CLN3: variants seen among roughly 807,000 people sequenced by gnomAD.
CLN3 encodes battenin.
In CLN3, 49 loss-of-function variants were observed where a neutral mutation model predicts 60.7. That is an observed-to-expected ratio of 0.81 (90% CI 0.64 to 1.02). CLN3 has a LOEUF of 1.02. Among genes scored for constraint, CLN3 ranks in the 50% least tolerant of loss-of-function variants. The probability of loss-of-function intolerance (pLI) is 0.00; values close to 1 mark genes in which losing one functional copy is unlikely to be tolerated. For missense variants in CLN3, 516 were observed against 557.4 expected (o/e 0.93, Z 0.75); for synonymous variants, 256 against 245.8 (o/e 1.04, Z -0.39).
intron 10 of CLN3, 110 bp from the exon 11 acceptor site, chr16:28,482,782 T>G: frequency 8.7e-7 from 1 of 1,152,962 alleles, no homozygotes. Context: ...GGGAACTCAC[T>G]TCCATGCCAC....
rs1462511334 is a variant in CLN3 at position 28,487,729 on chromosome 16, C to T, written c.307G>A (p.Ala103Thr). The T allele has an allele frequency of 6.2e-7, 1 of 1,613,518 alleles. No individual in the cohort carries two copies. Among genetic ancestry groups the T allele is most frequent in the East Asian group, 2.2e-5 (1 of 44,852 alleles). ...NSVSTAAVLL[A>T]DILPTLVIKL... ...ATGACGAGTGTGGGGAGGATGTCCG[C>T]CAGGAGCACAGCCTGGGACAGGAGA... The change falls in exon 6 of 16, where the codon GCG (alanine) becomes ACG (threonine). Residue 103 changes from alanine to threonine, a missense_variant. Physicochemically the swap from Ala to Thr is moderately conservative, Grantham distance 58. Coordinates refer to ENST00000636147, the MANE Select transcript of CLN3 (RefSeq NM_001042432.2).
intron 14 of CLN3, among the ~76,000 whole-genome samples, chr16:28,481,458 A>ACG (rs1301699816): frequency 0.02 from 2,619 of 128,828 alleles, 36 homozygotes; most frequent in Admixed American, 0.04. Flanking sequence ...ACACACGCAC[A>ACG]CACACACACA....
intron 5 of CLN3, chr16:28,488,188 G>T (rs1472166699): frequency 5.6e-6 from 1 of 179,914 alleles, no homozygotes; most frequent in Non-Finnish European, 1.2e-5. Flanking sequence ...TTACAGGCGT[G>T]CACCACCATG....
intron 10 of CLN3, 96 bp from the exon 11 acceptor site, chr16:28,482,768 C>T: frequency 2.3e-6 from 3 of 1,307,400 alleles, no homozygotes; most frequent in African/African-American, 1.5e-5. Context: ...GACCACGCAA[C>T]AGTGGGAACT....
At chr16:28,484,347 T>C (rs2046167484) in intron 9 of CLN3, 2 of 542,060 alleles carry the variant, frequency 3.7e-6, no homozygotes, top group South Asian at 4.2e-5. Context: ...TGGGCCTTCA[T>C]TTTGTTTTGA....
intron 14 of CLN3, 83 bp downstream of exon 14, chr16:28,482,022 A>C: frequency 1.1e-6 from 1 of 944,898 alleles, no homozygotes; most frequent in Non-Finnish European, 1.7e-6. Flanking sequence ...TCCCACTGAT[A>C]GTGGGAAGCA....
rs544119921 is a variant in CLN3, at chr16:28,487,496, G to C, written c.420C>G (p.Val140=). ...CCACAGAATGAGAAAAGGCAACCAG[G>C]ACGAAGCTTCCAGCAGCACAAATCC... ...VSGICAAGSF[V]LVAFSHSVGT... is the part of the protein sequence containing the mutation. Residue 140 remains valine, a synonymous_variant, in exon 7 of 16, where the codon GTC becomes GTG. Coordinates refer to ENST00000636147, the MANE Select transcript of CLN3 (RefSeq NM_001042432.2). 6 of 1,614,022 alleles carry C rather than the reference G, an allele frequency of 3.7e-6. No individual in the cohort carries two copies. In the African/African-American group the frequency reaches 8.0e-5, roughly 22 times the overall value.
At chr16:28,475,212 T>C (rs1245822360), downstream of CLN3, 1 of 152,356 alleles carries the variant, frequency 6.6e-6, no homozygotes, top group Admixed American at 6.6e-5. Flanking sequence ...ATCATGCCAC[T>C]GTACTCCAGC....
downstream of CLN3, chr16:28,476,274 A>T (rs1216993162): frequency 6.6e-6 from 1 of 151,872 alleles, no homozygotes; most frequent in Non-Finnish European, 1.5e-5. Context: ...TGCCAGGAGC[A>T]GTGGCTCATG....
chr16:28,479,977 C>CT (rs1020964100), intron 14 of CLN3, among the ~76,000 whole-genome samples: 3 of 151,126 alleles, frequency 2.0e-5, no homozygotes, highest in African/African-American at 4.8e-5. Flanking sequence ...AAAGTGTAAT[C>CT]TTTTTTTTTG....
intron 3 of CLN3, among the ~76,000 whole-genome samples, chr16:28,490,717 G>A (rs914536667): frequency 1.1e-4 from 15 of 137,596 alleles, no homozygotes; most frequent in African/African-American, 4.2e-4. Flanking sequence ...CCGAGATTGC[G>A]CCACTGCACT....
At chr16:28,481,454 GCACACA>G (rs373490479) in intron 14 of CLN3, among the ~76,000 whole-genome samples, 72 of 129,204 alleles carry the variant, frequency 5.6e-4, no homozygotes, top group South Asian at 1.0e-3. Context: ...ACACACACAC[GCACACA>G]CACACACACA....
At chr16:28,478,109 C>T (rs1480858184) in intron 14 of CLN3, among the ~76,000 whole-genome samples, 1 of 149,494 alleles carries the variant, frequency 6.7e-6, no homozygotes, top group Non-Finnish European at 1.5e-5. Context: ...ACCAGCCTGG[C>T]CTGGTCTCTA....
In CLN3 at chr16:28,486,559, C is replaced by T; in HGVS notation, c.533+19G>A. ...CCATGGGACAGCCTCTCCCCACACTCCCTGCTCCACCTGCTTACCTGGGGT... is the reference window on the plus strand; with the variant it reads ...CCATGGGACAGCCTCTCCCCACACTTCCTGCTCCACCTGCTTACCTGGGGT... On this transcript the variant is annotated intron_variant, in intron 8 of 15. Coordinates refer to ENST00000636147, the MANE Select transcript of CLN3 (RefSeq NM_001042432.2). 1 of 1,608,628 alleles carries T rather than the reference C, an allele frequency of 6.2e-7. No individual in the cohort carries two copies.
downstream of CLN3, chr16:28,469,945 C>T (rs1269607345): frequency 3.4e-4 from 99 of 291,200 alleles, 1 homozygote; most frequent in African/African-American, 2.3e-3. Context: ...GCACTCCAGC[C>T]TGGGCGACAG....
At chr16:28,480,290 G>A (rs2857404) in intron 14 of CLN3, among the ~76,000 whole-genome samples, 1 of 151,950 alleles carries the variant, frequency 6.6e-6, no homozygotes, top group Non-Finnish European at 1.5e-5. Context: ...CTGGCTTCGA[G>A]TGATCCTCCC....
chr16:28,489,466 T>A, intron 3 of CLN3, 80 bp from the exon 4 acceptor site: 1 of 978,010 alleles, frequency 1.0e-6, no homozygotes, highest in South Asian at 1.4e-5. Context: ...TTCCCTTACC[T>A]GTGCCCTTCA....
chr16:28,481,450 ACACG>A (rs1379136457), intron 14 of CLN3, among the ~76,000 whole-genome samples: 15 of 131,032 alleles, frequency 1.1e-4, no homozygotes, highest in South Asian at 7.3e-4. Flanking sequence ...ACACACACAC[ACACG>A]CACACACACA....
chr16:28,488,750 G>C, intron 4 of CLN3, 88 bp from the exon 5 acceptor site: 1 of 1,326,292 alleles, frequency 7.5e-7, no homozygotes, highest in Non-Finnish European at 1.1e-6. Context: ...GCCTTCACTT[G>C]AAGGATGGCT....
Sources: gnomAD v4.1 joint callset for allele counts (sites outside exome capture counted in the v4.1 genomes callset) on GRCh38, gnomAD v4.1.1 for gene constraint, MANE v1.5 for transcripts, NCBI Gene and HGNC (gene_info 2026-07-23, HGNC 2026-07-21) for gene names.